Variants in ADAM12 observed in about 807,000 individuals in gnomAD.
The protein encoded by ADAM12 is disintegrin and metalloproteinase domain-containing protein 12.
A neutral mutation model predicts 106.4 loss-of-function variants in ADAM12; 70 were observed. That is an observed-to-expected ratio of 0.66 (90% confidence interval 0.54 to 0.80). The LOEUF is 0.80. Ranked by LOEUF, ADAM12 falls within the 30% of genes least tolerant of loss-of-function variation. ADAM12 has a pLI of 0.00. For missense variants in ADAM12, 1,010 were observed against 1,171.9 expected (o/e 0.86, Z 2.02); for synonymous variants, 420 against 433.5 (o/e 0.97, Z 0.39).
chr10:126,320,649 T>C (rs1024361563), intron 2 of ADAM12, among the ~76,000 whole-genome samples: 2 of 152,206 alleles, frequency 1.3e-5, no homozygotes, highest in East Asian at 3.8e-4. Context: ...TGACATAAAA[T>C]TATAAAGTGC....
At chr10:126,364,674 C>A (rs1855851704) in intron 1 of ADAM12, among the ~76,000 whole-genome samples, 1 of 151,768 alleles carries the variant, frequency 6.6e-6, no homozygotes, top group Admixed American at 6.6e-5. Flanking sequence ...ATAAACAGCT[C>A]TTAACAAATC....
chr10:126,291,440 A>C (rs1960145495), intron 2 of ADAM12, among the ~76,000 whole-genome samples: 1 of 152,234 alleles, frequency 6.6e-6, no homozygotes, highest in Non-Finnish European at 1.5e-5. Context: ...AATTACAGCT[A>C]ATTGCTAACT....
chr10:126,288,626 C>T (rs1225440420), intron 2 of ADAM12, among the ~76,000 whole-genome samples: 1 of 151,702 alleles, frequency 6.6e-6, no homozygotes, highest in Non-Finnish European at 1.5e-5. Flanking sequence ...GACATAGTGG[C>T]CCCAAGGACA....
chr10:126,118,284 C>T lies in ADAM12; in HGVS notation c.417-60G>A, dbSNP rs2133622060. 4 of 1,231,814 alleles carry T rather than the reference C, an allele frequency of 3.2e-6. No individual in the cohort carries two copies. The South Asian group carries it at 4.2e-5, about 13-fold the overall frequency. The allele number at this position is 1,231,814 out of a possible 1,614,324, so 76.3% of individuals were successfully genotyped here. A position where few individuals can be genotyped will look rare whatever the true frequency, so the allele number is the denominator to read the frequency against. On this transcript the variant is annotated intron_variant, in intron 5 of 22. Coordinates refer to ENST00000448723, the MANE Select transcript of ADAM12 (RefSeq NM_001288973.2). ...TTAAGGACAGCTTCTTGTTTATGGCCAAGACACAGTTCTTAACAAGAGAGA... is the reference window on the plus strand; with the variant it reads ...TTAAGGACAGCTTCTTGTTTATGGCTAAGACACAGTTCTTAACAAGAGAGA...
intron 3 of ADAM12, among the ~76,000 whole-genome samples, chr10:126,271,456 T>C (rs1176020637): frequency 1.3e-5 from 2 of 152,218 alleles, no homozygotes; most frequent in Admixed American, 1.3e-4. Flanking sequence ...TCCCAGCTAG[T>C]CTTCACAGGC....
chr10:126,036,284 G>C lies in ADAM12; in HGVS notation c.2391C>G (p.Ile797Met). 6.4e-7 allele frequency: 1 copy of C among 1,562,574 alleles called. No individual in the cohort carries two copies. The highest frequency in any genetic ancestry group is 8.6e-7 in the Non-Finnish European group (1 of 1,160,968). ...CATTCAGGCCGTTGAGGGGTCTGCT[G>C]ATGTCAACATTCTGACACTGCAGCA... ...RRLLQCQNVD[I>M]SRPLNGLNVP... The change falls in exon 21 of 23, where the codon ATC (isoleucine) becomes ATG (methionine). Residue 797 changes from isoleucine to methionine, a missense_variant. Physicochemically the swap from Ile to Met is conservative, Grantham distance 10 (BLOSUM62 1). Coordinates refer to ENST00000448723, the MANE Select transcript of ADAM12 (RefSeq NM_001288973.2).
At chr10:126,301,840 C>A (rs751034616) in intron 2 of ADAM12, among the ~76,000 whole-genome samples, 5 of 152,196 alleles carry the variant, frequency 3.3e-5, no homozygotes, top group Non-Finnish European at 7.3e-5. Flanking sequence ...ACTCTTACAT[C>A]CTCCCTAACT....
chr10:126,262,921 C>T (rs960540140), intron 3 of ADAM12, among the ~76,000 whole-genome samples: 1 of 152,126 alleles, frequency 6.6e-6, no homozygotes. Context: ...CACACACTTC[C>T]CCCAGATGAG....
chr10:126,319,045 G>A (rs1272409279), intron 2 of ADAM12, among the ~76,000 whole-genome samples: 1 of 152,162 alleles, frequency 6.6e-6, no homozygotes, highest in Non-Finnish European at 1.5e-5. Flanking sequence ...CAACATGTGG[G>A]GGATTGTGGG....
intron 1 of ADAM12, among the ~76,000 whole-genome samples, chr10:126,368,137 A>C (rs540702380): frequency 1.3e-5 from 2 of 151,892 alleles, no homozygotes; most frequent in Non-Finnish European, 1.5e-5. Flanking sequence ...GTGTATATAT[A>C]TGTGTGTATG....
intron 5 of ADAM12, among the ~76,000 whole-genome samples, chr10:126,121,390 A>G (rs1464077381): frequency 4.7e-5 from 6 of 128,444 alleles, no homozygotes; most frequent in African/African-American, 1.5e-4. Flanking sequence ...TATTATATGC[A>G]ATATATAATA....
chr10:126,052,468 T>A (rs1333388446), intron 14 of ADAM12, among the ~76,000 whole-genome samples: 1 of 152,252 alleles, frequency 6.6e-6, no homozygotes, highest in Non-Finnish European at 1.5e-5. Context: ...TTGGGAATTG[T>A]GACCACTTAA....
intron 21 of ADAM12, among the ~76,000 whole-genome samples, chr10:126,027,764 T>C (rs1953901945): frequency 6.6e-6 from 1 of 152,022 alleles, no homozygotes; most frequent in Non-Finnish European, 1.5e-5. Flanking sequence ...CCTGAATGAG[T>C]AAAAGCTGGA....
At chr10:126,278,671 A>T (rs1017587704) in intron 3 of ADAM12, among the ~76,000 whole-genome samples, 1 of 152,214 alleles carries the variant, frequency 6.6e-6, no homozygotes, top group Non-Finnish European at 1.5e-5. Flanking sequence ...GCACTGAAAA[A>T]ATAAAACATC....
At chr10:126,385,665 T>G (rs1856637438) in intron 1 of ADAM12, among the ~76,000 whole-genome samples, 1 of 152,150 alleles carries the variant, frequency 6.6e-6, no homozygotes. Flanking sequence ...ATTGAATTTT[T>G]TTTTAATGAT....
At chr10:126,030,262 G>T (rs377690681) in intron 21 of ADAM12, among the ~76,000 whole-genome samples, 42 of 152,322 alleles carry the variant, frequency 2.8e-4, no homozygotes, top group African/African-American at 9.6e-4. Context: ...TGAGTGATGG[G>T]TAGATAGGGT....
chr10:126,106,969 G>A (rs570164998), intron 8 of ADAM12, among the ~76,000 whole-genome samples: 1 of 152,216 alleles, frequency 6.6e-6, no homozygotes, highest in East Asian at 1.9e-4. Context: ...GAACAGCCGG[G>A]GCCTTGAGCA....
At chr10:126,286,785 G>C (rs1050318312) in intron 2 of ADAM12, among the ~76,000 whole-genome samples, 1 of 152,200 alleles carries the variant, frequency 6.6e-6, no homozygotes, top group South Asian at 2.1e-4. Flanking sequence ...TAATGATAAT[G>C]TTTATTCTTG....
At chr10:126,092,350 C>T in intron 11 of ADAM12, among the ~76,000 whole-genome samples, 1 of 152,160 alleles carries the variant, frequency 6.6e-6, no homozygotes, top group East Asian at 1.9e-4. Flanking sequence ...CTGAAAGTCA[C>T]CCAGCGTGTG....
Sources: allele counts gnomAD v4.1 joint callset (sites outside exome capture counted in the v4.1 genomes callset), GRCh38; gene constraint gnomAD v4.1.1; transcripts MANE v1.5; gene names NCBI Gene and HGNC (gene_info 2026-07-23, HGNC 2026-07-21).